The following VGLL4 variants were observed in gnomAD, a reference collection of about 807,000 sequenced individuals.
VGLL4 encodes vestigial like family member 4, also known as transcription cofactor vestigial-like protein 4.
Under a neutral mutation model 21.0 loss-of-function variants are expected in VGLL4, and 7 were observed. The observed-to-expected ratio is 0.33, with a 90% CI of 0.19 to 0.63. The LOEUF (loss-of-function observed/expected upper bound fraction) is 0.63, where lower values mean the gene tolerates loss of function less well. Among genes scored for constraint, VGLL4 ranks in the 20% least tolerant of loss-of-function variants. The pLI is 0.78. For synonymous variants in VGLL4, 222 were observed against 173.2 expected, an observed-to-expected ratio of 1.28 and a Z score of -2.21; for missense variants, 394 against 425.7, an observed-to-expected ratio of 0.93 and a Z score of 0.66.
At chr3:11,613,045 G>A (rs2075092383) in intron 1 of VGLL4, among the ~76,000 whole-genome samples, 1 of 151,958 alleles carries the variant, frequency 6.6e-6, no homozygotes, top group Non-Finnish European at 1.5e-5. Context: ...TTTAGAAGGA[G>A]TAGCTGGATG....
rs2072599648 is a variant in VGLL4, at chr3:11,558,018, C to CA, written c.*537dup. ...CCTTTGTTTTTCAGCAGTTTGCCCTCAGAGTTCTGGCATAACACATAAAGT... is the reference window on the plus strand; with the variant it reads ...CCTTTGTTTTTCAGCAGTTTGCCCTCAAGAGTTCTGGCATAACACATAAAGT... On this transcript the variant is annotated 3_prime_UTR_variant, in exon 5 of 5. Transcript: ENST00000430365. 1.3e-5 allele frequency: 2 copies of CA among 155,920 alleles called. No individual in the cohort carries two copies. Among genetic ancestry groups the CA allele is most frequent in the African/African-American group, 4.8e-5 (2 of 41,474 alleles). 9.7% of individuals were successfully genotyped at this position (155,920 alleles called of 1,614,324 possible). A position where few individuals can be genotyped will look rare whatever the true frequency, so the allele number is the denominator to read the frequency against.
At chr3:11,632,249 G>A (rs1369589004) in intron 1 of VGLL4, among the ~76,000 whole-genome samples, 1 of 152,040 alleles carries the variant, frequency 6.6e-6, no homozygotes, top group African/African-American at 2.4e-5. Flanking sequence ...GGAGGCAGAG[G>A]TTGCAATGAG....
At chr3:11,631,092 A>C (rs2075466230) in intron 1 of VGLL4, among the ~76,000 whole-genome samples, 1 of 152,254 alleles carries the variant, frequency 6.6e-6, no homozygotes, top group Admixed American at 6.5e-5. Flanking sequence ...GAATCTCAGA[A>C]ACACTACGTT....
Position 11,653,110 on chromosome 3 carries a change from A to G in VGLL4, c.64+49861T>C, listed in dbSNP as rs6442273. 0.14 allele frequency among the ~76,000 whole-genome samples: 20,992 copies of G among 152,180 alleles called. 1,658 individuals are homozygous for G. Among genetic ancestry groups the G allele is most frequent in the African/African-American group, 0.2 (8,484 of 41,490 alleles). ...AGGGCTAAGTTCGCTGCTAGCCCCA[A>G]TGTGTGACCCAACTTCATTTCACAG... On this transcript the variant is annotated intron_variant, in intron 2 of 5. Coordinates refer to the VGLL4 transcript ENST00000273038. This position sits in a 1 kb window ranked among gnomAD's most constrained non-coding sequence, Gnocchi z 4.2.
rs149665118 is a variant in VGLL4, at chr3:11,578,044, C to T, written c.273-13025G>A. On this transcript the variant is annotated intron_variant, in intron 2 of 4. Transcript: ENST00000430365. Reference sequence around the variant, plus strand: ...GAAATAGGGCACACAGGCAAGGACTCACTCCCTTCCATTTATCGTAGCACG... The same window carrying T: ...GAAATAGGGCACACAGGCAAGGACTTACTCCCTTCCATTTATCGTAGCACG... 3.1e-3 allele frequency among the ~76,000 whole-genome samples: 473 copies of T among 152,320 alleles called. 2 individuals are homozygous for T. Among genetic ancestry groups the T allele is most frequent in the African/African-American group, 0.011 (441 of 41,564 alleles).
chr3:11,636,682 CG>C (rs1465997295), intron 1 of VGLL4, among the ~76,000 whole-genome samples: 4 of 152,104 alleles, frequency 2.6e-5, no homozygotes, highest in African/African-American at 7.2e-5. Context: ...TATGTATCTC[CG>C]GAAGTGTCCC....
intron 1 of VGLL4, among the ~76,000 whole-genome samples, chr3:11,718,149 G>C (rs1341686263): frequency 6.6e-6 from 1 of 152,212 alleles, no homozygotes; most frequent in East Asian, 1.9e-4. Context: ...GTGAAAAAAC[G>C]GTGGCCGGGG....
intron 1 of VGLL4, chr3:11,626,444 G>C (rs1006008809): frequency 4.4e-6 from 2 of 455,690 alleles, no homozygotes; most frequent in African/African-American, 4.0e-5. Context: ...GCCCTGGATG[G>C]GCAGGAACTA....
chr3:11,559,485 A>G, intron 3 of VGLL4, 30 bp from the exon 4 acceptor site: 2 of 1,529,640 alleles, frequency 1.3e-6, no homozygotes, highest in Non-Finnish European at 1.8e-6. Flanking sequence ...CAGTATGTGG[A>G]GACCAGCTTC....
At chr3:11,655,695 A>G (rs1240685832) in intron 2 of VGLL4, among the ~76,000 whole-genome samples, 1 of 152,156 alleles carries the variant, frequency 6.6e-6, no homozygotes, top group Non-Finnish European at 1.5e-5. Flanking sequence ...AAGAGACAGC[A>G]TTTGCCGGAG....
At chr3:11,572,601 G>A (rs181307679) in intron 2 of VGLL4, among the ~76,000 whole-genome samples, 3 of 152,232 alleles carry the variant, frequency 2.0e-5, no homozygotes, top group African/African-American at 2.4e-5. Flanking sequence ...CTACCTGACT[G>A]TCGTCCTCTT....
At chr3:11,702,756 AC>A (rs1340660328) in intron 2 of VGLL4, 7 of 308,052 alleles carry the variant, frequency 2.3e-5, no homozygotes, top group South Asian at 8.1e-5. Context: ...AAAAAAAAAA[AC>A]AAACCAGTAT....
intron 1 of VGLL4, chr3:11,632,967 T>A (rs1375425964): frequency 6.6e-6 from 1 of 152,220 alleles, no homozygotes; most frequent in Non-Finnish European, 1.5e-5. Context: ...CAGCTATCTG[T>A]AATCAAGCAG....
intron 2 of VGLL4, among the ~76,000 whole-genome samples, chr3:11,590,030 A>C (rs1184680522): frequency 1.3e-5 from 2 of 152,214 alleles, no homozygotes; most frequent in Non-Finnish European, 2.9e-5. Flanking sequence ...TCTGCGCATA[A>C]GACTTCTCAA....
chr3:11,558,606 G>C lies in VGLL4; in HGVS notation c.841C>G (p.Pro281Ala). The C allele has an allele frequency of 6.2e-7, 1 of 1,606,422 alleles. No individual in the cohort carries two copies. Among genetic ancestry groups the C allele is most frequent in the Non-Finnish European group, 8.5e-7 (1 of 1,179,952 alleles). ...CTGTGGCTGACCATGTGGGCAGAGGGGCTGGCGGGCTGGCCCCTGCGAGAG... is the reference window on the plus strand; with the variant it reads ...CTGTGGCTGACCATGTGGGCAGAGGCGCTGGCGGGCTGGCCCCTGCGAGAG... ...SASRRGQPASPSAHMVSHSHS... is the reference protein window; with the variant it reads ...SASRRGQPASASAHMVSHSHS... The change falls in exon 5 of 5, where the codon CCC (proline) becomes GCC (alanine). Residue 281 changes from proline to alanine, a missense_variant. Coordinates refer to ENST00000430365, the MANE Select transcript of VGLL4 (RefSeq NM_001128219.3).
chr3:11,564,385 G>T (rs1275740491), intron 3 of VGLL4, among the ~76,000 whole-genome samples: 1 of 136,004 alleles, frequency 7.4e-6, no homozygotes, highest in Non-Finnish European at 1.6e-5. Flanking sequence ...CCGCGTGACC[G>T]TCTAAAGGAG....
intron 1 of VGLL4, among the ~76,000 whole-genome samples, chr3:11,643,216 G>T (rs1477944209): frequency 1.3e-5 from 2 of 152,164 alleles, no homozygotes; most frequent in Non-Finnish European, 2.9e-5. Context: ...AACTTTGAAG[G>T]GTTTCTACTT....
chr3:11,669,177 C>T (rs924823453), intron 2 of VGLL4, among the ~76,000 whole-genome samples: 1 of 152,162 alleles, frequency 6.6e-6, no homozygotes, highest in Non-Finnish European at 1.5e-5. Context: ...CTTAAAAATA[C>T]AACTCAGGGA....
At chr3:11,595,889 C>T (rs1325721906) in intron 2 of VGLL4, among the ~76,000 whole-genome samples, 25 of 150,486 alleles carry the variant, frequency 1.7e-4, no homozygotes, top group Admixed American at 4.0e-4. Flanking sequence ...TGCTAAATGA[C>T]AAGTTAATGG....
Sources: allele counts gnomAD v4.1 joint callset (sites outside exome capture counted in the v4.1 genomes callset), GRCh38; gene constraint gnomAD v4.1.1; non-coding constraint Gnocchi (gnomAD v3.1); transcripts MANE v1.5; gene names NCBI Gene and HGNC (gene_info 2026-07-23, HGNC 2026-07-21).